The following LINS1 variants were observed in gnomAD, a reference collection of about 807,000 sequenced individuals.
The protein encoded by LINS1 is protein Lines homolog 1.
Under a neutral mutation model 41.6 loss-of-function variants are expected in LINS1, and 27 were observed. That is an observed-to-expected ratio of 0.65 (90% CI 0.48 to 0.89). LINS1 has a LOEUF of 0.89. Ranked by LOEUF, LINS1 falls within the 40% of genes least tolerant of loss-of-function variation. The probability of loss-of-function intolerance (pLI) is 0.00; values close to 1 mark genes in which losing one functional copy is unlikely to be tolerated. For missense variants in LINS1, 955 were observed against 884.1 expected (o/e 1.08, Z -1.02); for synonymous variants, 336 against 312.9 (o/e 1.07, Z -0.78).
At chr15:100,572,785 C>G in intron 5 of LINS1, 2 of 971,460 alleles carry the variant, frequency 2.1e-6, no homozygotes, top group Non-Finnish European at 2.4e-6. Context: ...TCCTGAGTTA[C>G]TATTCTGGAA....
intron 1 of LINS1, among the ~76,000 whole-genome samples, chr15:100,595,338 T>TA (rs71151967): frequency 0.8 from 120,513 of 149,966 alleles, 48,514 homozygotes; most frequent in Middle Eastern, 0.84. Flanking sequence ...AACTCAACAT[T>TA]AAAAAAAAAA....
At chr15:100,578,006 C>G (rs1032881296) in intron 3 of LINS1, among the ~76,000 whole-genome samples, 1 of 152,118 alleles carries the variant, frequency 6.6e-6, no homozygotes, top group Non-Finnish European at 1.5e-5. Context: ...TTCCTTATAC[C>G]TTATACAAAA....
intron 3 of LINS1, among the ~76,000 whole-genome samples, chr15:100,579,822 G>A (rs143446467): frequency 3.7e-4 from 57 of 152,186 alleles, no homozygotes; most frequent in African/African-American, 1.3e-3. Context: ...TAGGGGGAAG[G>A]GGTCCACCTA....
Position 100,569,183 on chromosome 15 carries a change from G to T in LINS1, c.*55C>A. ...GATGATTTTATACTATTACCTCATTGAGACATAATTTATATTAAGGAAAAA... is the reference window on the plus strand; with the variant it reads ...GATGATTTTATACTATTACCTCATTTAGACATAATTTATATTAAGGAAAAA... On this transcript the variant is annotated 3_prime_UTR_variant, in exon 7 of 7. Transcript: ENST00000314742. 8 of 1,119,384 alleles carry T rather than the reference G, an allele frequency of 7.1e-6. No individual in the cohort carries two copies. The highest frequency in any genetic ancestry group is 9.4e-6 in the Non-Finnish European group (7 of 747,980). The allele number at this position is 1,119,384 out of a possible 1,614,324, so 69.3% of individuals were successfully genotyped here.
chr15:100,581,081 G>T (rs976486522), intron 1 of LINS1, 136 bp from the exon 2 acceptor site: 3 of 456,620 alleles, frequency 6.6e-6, no homozygotes, highest in South Asian at 3.6e-5. Context: ...ATGGAAAATT[G>T]TAACAGGAAC....
intron 6 of LINS1, 77 bp from the exon 7 acceptor site, chr15:100,570,194 A>T: frequency 8.5e-7 from 1 of 1,178,182 alleles, no homozygotes; most frequent in Non-Finnish European, 1.2e-6. Flanking sequence ...TAATTCACAT[A>T]CCATAAATTA....
At chr15:100,591,507 G>A (rs1233171466) in intron 1 of LINS1, among the ~76,000 whole-genome samples, 1 of 152,196 alleles carries the variant, frequency 6.6e-6, no homozygotes, top group Non-Finnish European at 1.5e-5. Context: ...CTGAACTCAT[G>A]CACTAGGCCC....
At position 100,586,139 on chromosome 15, in the gene LINS1, A is replaced by C. The variant is rs1484317913; in HGVS notation, c.-103-5194T>G. 5.6e-4 allele frequency: 85 copies of C among 152,268 alleles called. 1 individual carries two copies. Among genetic ancestry groups the C allele is most frequent in the Admixed American group, 5.5e-3 (84 of 15,288 alleles). The allele number at this position is 152,268 out of a possible 1,614,324, so 9.4% of individuals were successfully genotyped here. A position where few individuals can be genotyped will look rare whatever the true frequency, so the allele number is the denominator to read the frequency against. ...TTTATTCAAAGTCATCCTTCTGCTC[A>C]TTAAGATAAATGCATATCTGACTGC... On this transcript the variant is annotated intron_variant, in intron 1 of 6. Transcript: ENST00000314742.
chr15:100,572,445 C>T, intron 5 of LINS1: 2 of 1,052,514 alleles, frequency 1.9e-6, no homozygotes, highest in Non-Finnish European at 2.3e-6. Flanking sequence ...TGCAACCAAG[C>T]AAAAATAATT....
chr15:100,600,567 A>AAAAAAAAAAAAAAAAAAAAAG, intron 1 of LINS1, among the ~76,000 whole-genome samples: 1 of 147,498 alleles, frequency 6.8e-6, no homozygotes, highest in African/African-American at 2.4e-5. Flanking sequence ...AAAAAAAAAA[A>AAAAAAAAAAAAAAAAAAAAAG]AAAACAGGGA....
intron 1 of LINS1, among the ~76,000 whole-genome samples, chr15:100,593,526 C>G (rs1190052553): frequency 7.1e-6 from 1 of 140,588 alleles, no homozygotes; most frequent in Non-Finnish European, 1.5e-5. Context: ...TACTATGTAC[C>G]AGATACTGCT....
In LINS1 at chr15:100,569,719, G is replaced by C. The variant is rs1291041061; in HGVS notation, c.1793C>G (p.Ser598Cys). Residue 598 changes from serine (S) to cysteine (C), a missense_variant, in exon 7 of 7, where the codon TCT becomes TGT. Coordinates refer to ENST00000314742, the MANE Select transcript of LINS1 (RefSeq NM_001040616.3). The part of the protein sequence containing the change: ...ARHSWASDAP[S>C]EPLKAVMSKG... ...GGACATCACAGCTTTCAGTGGTTCA[G>C]AGGGAGCATCGGAAGCCCAGGAGTG... 6.2e-7 allele frequency: 1 copy of C among 1,613,958 alleles called. No homozygotes were observed. The highest frequency in any genetic ancestry group is 1.7e-5 in the Admixed American group (1 of 60,018).
intron 3 of LINS1, among the ~76,000 whole-genome samples, chr15:100,578,972 C>T (rs1442182648): frequency 1.3e-5 from 2 of 150,808 alleles, no homozygotes; most frequent in Non-Finnish European, 2.9e-5. Flanking sequence ...GGGAACTGAA[C>T]AATGACAACA....
intron 5 of LINS1, 128 bp downstream of exon 5, chr15:100,573,523 G>C: frequency 4.2e-6 from 3 of 715,370 alleles, no homozygotes; most frequent in Non-Finnish European, 6.5e-6. Flanking sequence ...AATGTAATAA[G>C]TTACAAATAG....
At chr15:100,583,772 C>T (rs1390851616) in intron 1 of LINS1, among the ~76,000 whole-genome samples, 1 of 152,208 alleles carries the variant, frequency 6.6e-6, no homozygotes, top group Non-Finnish European at 1.5e-5. Flanking sequence ...CTCCCTATTG[C>T]AACTGCCTGA....
chr15:100,578,701 T>C (rs1393497958), intron 3 of LINS1, among the ~76,000 whole-genome samples: 2 of 152,182 alleles, frequency 1.3e-5, no homozygotes, highest in South Asian at 4.1e-4. Flanking sequence ...ATATAAATCA[T>C]GCTGCTATAA....
chr15:100,582,077 C>T (rs764773190), intron 1 of LINS1, among the ~76,000 whole-genome samples: 20 of 152,276 alleles, frequency 1.3e-4, no homozygotes, highest in African/African-American at 1.9e-4. Flanking sequence ...CGGAAGTCTA[C>T]CACTTACACT....
chr15:100,594,870 G>A (rs1178744900), intron 1 of LINS1, among the ~76,000 whole-genome samples: 3 of 152,224 alleles, frequency 2.0e-5, no homozygotes, highest in East Asian at 1.9e-4. Context: ...AATGGAATCC[G>A]TGGATATGGA....
chr15:100,594,643 C>T (rs549714547), intron 1 of LINS1, among the ~76,000 whole-genome samples: 9 of 152,230 alleles, frequency 5.9e-5, no homozygotes, highest in African/African-American at 1.7e-4. Flanking sequence ...ATATTTGACA[C>T]GGTACATTGT....
Sources: allele counts gnomAD v4.1 joint callset (sites outside exome capture counted in the v4.1 genomes callset), GRCh38; gene constraint gnomAD v4.1.1; transcripts MANE v1.5; gene names NCBI Gene and HGNC (gene_info 2026-07-23, HGNC 2026-07-21).